Variants in NWD2 observed in about 807,000 individuals in gnomAD.
NWD2 encodes NACHT and WD repeat domain containing 2, also known as NACHT and WD repeat domain-containing protein 2.
Under a neutral mutation model 132.7 loss-of-function variants are expected in NWD2, and 37 were observed. The ratio of observed to expected loss-of-function variants is 0.28; its 90% CI spans 0.21 to 0.37. NWD2 has a LOEUF of 0.37. NWD2 is among the 10% of genes least tolerant of loss of function. The pLI is 1.00. For missense variants in NWD2, 1,592 were observed against 2,122.4 expected, an observed-to-expected ratio of 0.75 and a Z score of 4.91; for synonymous variants, 705 against 803.0, an observed-to-expected ratio of 0.88 and a Z score of 2.06.
At chr4:37,316,239 T>C (rs536898901) in intron 1 of NWD2, among the ~76,000 whole-genome samples, 1 of 152,086 alleles carries the variant, frequency 6.6e-6, no homozygotes, top group Non-Finnish European at 1.5e-5. Flanking sequence ...TTTTTAAAAA[T>C]AGTTTTGTTG....
intron 1 of NWD2, among the ~76,000 whole-genome samples, chr4:37,320,555 T>A (rs1719047876): frequency 6.6e-6 from 1 of 151,956 alleles, no homozygotes; most frequent in Non-Finnish European, 1.5e-5. Context: ...GACATAAAAT[T>A]GAGAAGATTT....
At chr4:37,317,297 C>G (rs115533772) in intron 1 of NWD2, among the ~76,000 whole-genome samples, 1 of 152,190 alleles carries the variant, frequency 6.6e-6, no homozygotes, top group Admixed American at 6.5e-5. Context: ...TTGTGTGTAG[C>G]CTTCCCACCA....
At chr4:37,332,363 C>T (rs1056758675) in intron 2 of NWD2, among the ~76,000 whole-genome samples, 16 of 151,822 alleles carry the variant, frequency 1.1e-4, no homozygotes, top group African/African-American at 3.4e-4. Flanking sequence ...TAGGATAATG[C>T]ACTGGGCAGA....
At chr4:37,373,795 A>G (rs1269224237) in intron 3 of NWD2, among the ~76,000 whole-genome samples, 10 of 152,238 alleles carry the variant, frequency 6.6e-5, no homozygotes, top group Admixed American at 5.9e-4. Context: ...CGTCCTGTAT[A>G]TTACAAACAT....
At chr4:37,423,976 G>A (rs1711903939) in intron 3 of NWD2, among the ~76,000 whole-genome samples, 1 of 152,118 alleles carries the variant, frequency 6.6e-6, no homozygotes, top group African/African-American at 2.4e-5. Flanking sequence ...ATAATGTTAA[G>A]TTGTGAATAA....
intron 3 of NWD2, among the ~76,000 whole-genome samples, chr4:37,384,667 C>A (rs1333140474): frequency 1.3e-5 from 2 of 152,180 alleles, no homozygotes; most frequent in Non-Finnish European, 2.9e-5. Context: ...CAAGTTCTGG[C>A]CAACAGGCAG....
At chr4:37,395,927 G>A (rs557901290) in intron 3 of NWD2, among the ~76,000 whole-genome samples, 2 of 152,118 alleles carry the variant, frequency 1.3e-5, no homozygotes, top group Non-Finnish European at 2.9e-5. Context: ...CTACTTGAAA[G>A]TGAATCTTGA....
At chr4:37,253,795 A>G (rs902457881) in intron 1 of NWD2, among the ~76,000 whole-genome samples, 1 of 152,232 alleles carries the variant, frequency 6.6e-6, no homozygotes, top group African/African-American at 2.4e-5. Context: ...ATATGCAGCA[A>G]TAGATAATGG....
intron 5 of NWD2, among the ~76,000 whole-genome samples, chr4:37,438,349 GTGAGGTCAC>G (rs1041200957): frequency 6.6e-6 from 1 of 152,084 alleles, no homozygotes; most frequent in Non-Finnish European, 1.5e-5. Context: ...AAACAAAATG[GTGAGGTCAC>G]TTTGTTAAGG....
intron 1 of NWD2, among the ~76,000 whole-genome samples, chr4:37,325,013 G>A (rs966276549): frequency 2.0e-5 from 3 of 152,150 alleles, no homozygotes; most frequent in Non-Finnish European, 4.4e-5. Flanking sequence ...CTTTTCATAA[G>A]ATTACACATT....
At chr4:37,414,655 G>A (rs1577696016) in intron 3 of NWD2, among the ~76,000 whole-genome samples, 1 of 152,146 alleles carries the variant, frequency 6.6e-6, no homozygotes, top group Admixed American at 6.5e-5. Context: ...AGTAAAGGAA[G>A]ACTGCTGGAA....
chr4:37,384,582 G>A (rs1243891653), intron 3 of NWD2, among the ~76,000 whole-genome samples: 5 of 152,148 alleles, frequency 3.3e-5, no homozygotes, highest in African/African-American at 9.7e-5. Context: ...GCCTCCTTGG[G>A]CCTGGTACTA....
intron 1 of NWD2, among the ~76,000 whole-genome samples, chr4:37,272,714 C>T (rs1577651036): frequency 6.6e-6 from 1 of 151,744 alleles, no homozygotes; most frequent in East Asian, 1.9e-4. Context: ...TATTTTAAAA[C>T]AACCATTTTT....
chr4:37,326,664 GA>G (rs1321194466), intron 2 of NWD2, among the ~76,000 whole-genome samples: 1 of 152,000 alleles, frequency 6.6e-6, no homozygotes, highest in Non-Finnish European at 1.5e-5. Flanking sequence ...TCCAAATGTT[GA>G]AAAAAATAAA....
At chr4:37,290,834 A>G (rs1718345854) in intron 1 of NWD2, among the ~76,000 whole-genome samples, 1 of 152,184 alleles carries the variant, frequency 6.6e-6, no homozygotes, top group Admixed American at 6.5e-5. Flanking sequence ...TCCGCAGATG[A>G]ATTACTGACT....
chr4:37,438,493 C>T (rs1206374438), intron 5 of NWD2, among the ~76,000 whole-genome samples: 1 of 152,042 alleles, frequency 6.6e-6, no homozygotes, highest in Non-Finnish European at 1.5e-5. Flanking sequence ...AACTGAGCAG[C>T]AATTAGAAAT....
chr4:37,311,986 A>G (rs1404753217), intron 1 of NWD2, among the ~76,000 whole-genome samples: 2 of 150,580 alleles, frequency 1.3e-5, no homozygotes, highest in Non-Finnish European at 2.9e-5. Flanking sequence ...CCATTGATCT[A>G]TATCTCTGTT....
At chr4:37,427,253 G>A (rs1712033099) in intron 3 of NWD2, among the ~76,000 whole-genome samples, 1 of 151,982 alleles carries the variant, frequency 6.6e-6, no homozygotes, top group African/African-American at 2.4e-5. Context: ...TGGCACATCC[G>A]AGCATTAAAA....
intron 1 of NWD2, among the ~76,000 whole-genome samples, chr4:37,282,703 G>A (rs1048814867): frequency 1.3e-5 from 2 of 152,106 alleles, no homozygotes; most frequent in African/African-American, 4.8e-5. Flanking sequence ...TCTTTGCTGG[G>A]TTCTGGTTAC....
Sources: gnomAD v4.1 joint callset for allele counts (sites outside exome capture counted in the v4.1 genomes callset) on GRCh38, gnomAD v4.1.1 for gene constraint, MANE v1.5 for transcripts, NCBI Gene and HGNC (gene_info 2026-07-23, HGNC 2026-07-21) for gene names.